Variants in SPTB observed in about 807,000 individuals in gnomAD.
The protein encoded by SPTB is spectrin beta chain, erythrocytic.
A neutral mutation model predicts 256.2 loss-of-function variants in SPTB; 45 were observed. That is an observed-to-expected ratio of 0.18 (90% CI 0.14 to 0.23). The LOEUF (loss-of-function observed/expected upper bound fraction) is 0.23, where lower values mean the gene tolerates loss of function less well. Among genes scored for constraint, SPTB ranks in the 10% least tolerant of loss-of-function variants. SPTB has a pLI of 1.00. For missense variants in SPTB, 2,715 were observed against 3,040.4 expected (o/e 0.89, Z 2.52); for synonymous variants, 1,231 against 1,243.1 (o/e 0.99, Z 0.21).
chr14:64,781,614 G>A (rs948943879), intron 20 of SPTB, among the ~76,000 whole-genome samples: 3 of 152,240 alleles, frequency 2.0e-5, no homozygotes, highest in Non-Finnish European at 4.4e-5. Flanking sequence ...TACACCGTTG[G>A]TGGGAGTGTA....
chr14:64,846,343 A>G (rs1414000519), intron 1 of SPTB, among the ~76,000 whole-genome samples: 1 of 152,254 alleles, frequency 6.6e-6, no homozygotes, highest in Non-Finnish European at 1.5e-5. Context: ...GTTATATATT[A>G]TATAGGCTGC....
intron 2 of SPTB, among the ~76,000 whole-genome samples, chr14:64,818,358 GGGATGCC>G (rs2083228947): frequency 6.6e-6 from 1 of 152,342 alleles, no homozygotes; most frequent in African/African-American, 2.4e-5. Context: ...GGCGGCACAT[GGGATGCC>G]GGATGCCAAG....
Position 64,787,168 on chromosome 14 carries a change from A to G in SPTB, c.2805-8T>C, listed in dbSNP as rs370815239. 103 of 1,602,828 alleles carry G rather than the reference A, an allele frequency of 6.4e-5. No individual in the cohort carries two copies. Among genetic ancestry groups the G allele is most frequent in the Non-Finnish European group, 8.5e-5 (100 of 1,179,962 alleles). On this transcript the variant is annotated splice_region_variant and splice_polypyrimidine_tract_variant and intron_variant, in intron 15 of 35. Coordinates refer to ENST00000644917, the MANE Select transcript of SPTB (RefSeq NM_001355436.2). ...GTCTGAAATGCCTGCCACCTGCCGG[A>G]TGGGGACACAGCCCGGAGGAGAGAG...
At chr14:64,872,801 T>C (rs1052186405) in intron 1 of SPTB, among the ~76,000 whole-genome samples, 2 of 152,318 alleles carry the variant, frequency 1.3e-5, no homozygotes, top group East Asian at 1.9e-4. Flanking sequence ...GTTCTCGTGA[T>C]AGTGAAGAAG....
In SPTB at chr14:64,807,472, G is replaced by A; in HGVS notation, c.149-2382C>T. ...GCCCCCTGGACCCTCAAACGTGGGA[G>A]CCACAGGTTTTGAGCACAGGCAGGT... On this transcript the variant is annotated intron_variant, in intron 2 of 35. Coordinates refer to ENST00000644917, the MANE Select transcript of SPTB (RefSeq NM_001355436.2). The surrounding 1 kb of genome is among the most constrained non-coding windows in gnomAD (Gnocchi z 4.7). 6.6e-6 allele frequency among the ~76,000 whole-genome samples: 1 copy of A among 152,196 alleles called. No individual in the cohort carries two copies. The highest frequency in any genetic ancestry group is 1.9e-4 in the East Asian group (1 of 5,196).
In SPTB at chr14:64,786,581, G is replaced by T. The variant is rs767091844; in HGVS notation, c.3384C>A (p.Ile1128=). The T allele has an allele frequency of 4.3e-6, 7 of 1,614,046 alleles. No homozygotes were observed. The highest frequency in any genetic ancestry group is 1.7e-5 in the Admixed American group (1 of 60,004). Reference sequence around the variant, plus strand: ...GATACTCTGGGTCCGTCTGGCCTTGGATCACTTTCTCCCCAGACTCCTTAA... The same window carrying T: ...GATACTCTGGGTCCGTCTGGCCTTGTATCACTTTCTCCCCAGACTCCTTAA... The part of the protein sequence containing the change: ...QRVKESGEKV[I]QGQTDPEYLL... The change falls in exon 16 of 36, where the codon ATC becomes ATA. Residue 1128 remains isoleucine (I), a synonymous_variant. Coordinates refer to ENST00000644917, the MANE Select transcript of SPTB (RefSeq NM_001355436.2). The surrounding 1 kb of genome is among the most constrained non-coding windows in gnomAD (Gnocchi z 5.6).
chr14:64,832,331 A>G (rs72625636), intron 1 of SPTB, among the ~76,000 whole-genome samples: 12,934 of 152,126 alleles, frequency 0.085, 594 homozygotes, highest in Middle Eastern at 0.12. Context: ...CCATTCCAAA[A>G]TTTTCTGAAA....
At chr14:64,865,092 A>G (rs1882084546) in intron 1 of SPTB, among the ~76,000 whole-genome samples, 1 of 152,076 alleles carries the variant, frequency 6.6e-6, no homozygotes, top group African/African-American at 2.4e-5. Flanking sequence ...TTTAAGCATC[A>G]GGTCTTAGAG....
rs1402483762 is a variant in SPTB at position 64,803,465 on chromosome 14, C to T, written c.474+142G>A. On this transcript the variant is annotated intron_variant, in intron 4 of 35. Transcript: ENST00000644917. ...TACAGAAGATGGTTACTCCTTCCTA[C>T]AAGCACTGTCCCATGTGGCAGATTT... 7.7e-6 allele frequency: 8 copies of T among 1,043,166 alleles called. No individual in the cohort carries two copies. The Admixed American group carries it at 9.3e-5, about 12-fold the overall frequency. 64.6% of individuals were successfully genotyped at this position (1,043,166 alleles called of 1,614,324 possible). A position where few individuals can be genotyped will look rare whatever the true frequency, so the allele number is the denominator to read the frequency against.
At chr14:64,794,359 A>G in intron 13 of SPTB, 108 bp downstream of exon 13, 1 of 1,439,592 alleles carries the variant, frequency 6.9e-7, no homozygotes, top group Non-Finnish European at 9.7e-7. Context: ...GATGAAAGTA[A>G]CAGAACTTTA....
At chr14:64,800,270 T>G (rs2082857981) in intron 8 of SPTB, among the ~76,000 whole-genome samples, 2 of 152,236 alleles carry the variant, frequency 1.3e-5, no homozygotes, top group Non-Finnish European at 2.9e-5. Context: ...TTTTAAATGT[T>G]CATGAGGAGT....
intron 1 of SPTB, among the ~76,000 whole-genome samples, chr14:64,843,066 A>G (rs2083632910): frequency 6.6e-6 from 1 of 151,826 alleles, no homozygotes; most frequent in South Asian, 2.1e-4. Flanking sequence ...CCCTGTCTCA[A>G]AAAAAAAGGG....
Position 64,764,066 on chromosome 14 carries a change from T to C in SPTB, c.6345+2660A>G, listed in dbSNP as rs139458113. ...AGCAACACCGCATGGATCTATTCTGTAGGGCACCGACACCAGACCACACAC... is the reference window on the plus strand; with the variant it reads ...AGCAACACCGCATGGATCTATTCTGCAGGGCACCGACACCAGACCACACAC... On this transcript the variant is annotated intron_variant, in intron 32 of 35. Coordinates refer to ENST00000644917, the MANE Select transcript of SPTB (RefSeq NM_001355436.2). This position sits in a 1 kb window ranked among gnomAD's most constrained non-coding sequence, Gnocchi z 4.2. 6.6e-6 allele frequency among the ~76,000 whole-genome samples: 1 copy of C among 152,294 alleles called. No individual in the cohort carries two copies. Among genetic ancestry groups the C allele is most frequent in the East Asian group, 1.9e-4 (1 of 5,186 alleles).
At position 64,774,475 on chromosome 14, in the gene SPTB, G is replaced by T. The variant is rs781286844; in HGVS notation, c.4895C>A (p.Ala1632Glu). 2.6e-6 allele frequency: 4 copies of T among 1,556,746 alleles called. No individual in the cohort carries two copies. The highest frequency in any genetic ancestry group is 2.4e-5 in the East Asian group (1 of 41,430). Residue 1632 changes from alanine (A) to glutamate (E), a missense_variant, in exon 24 of 36, where the codon GCG becomes GAG. Physicochemically the swap from Ala to Glu is moderately radical, Grantham distance 107. This residue lies in a region of SPTB where 2,239 missense variants were observed against 2,384.4 expected (regional missense o/e 0.94). Coordinates refer to ENST00000644917, the MANE Select transcript of SPTB (RefSeq NM_001355436.2). The stretch of plus-strand genomic sequence containing the variant: ...GATGTTCCGGCCGTAGTCCTCCACC[G>T]CACGCTGCTGCCGCAAATGTCGCTT... ...MLKRHLRQQR[A>E]VEDYGRNIKQ... is the part of the protein sequence containing the mutation.
chr14:64,801,494 G>A (rs2082885161), intron 6 of SPTB, 94 bp from the exon 7 acceptor site: 1 of 986,218 alleles, frequency 1.0e-6, no homozygotes, highest in Admixed American at 1.8e-5. Flanking sequence ...ACAGAGGCAG[G>A]GAGGTGGTCA....
Position 64,841,823 on chromosome 14 carries a change from T to C in SPTB, c.-51-18678A>G, listed in dbSNP as rs2083612368. Among the ~76,000 whole-genome samples the C allele has an allele frequency of 6.6e-6, 1 of 152,116 alleles. No individual in the cohort carries two copies. Among genetic ancestry groups the C allele is most frequent in the Non-Finnish European group, 1.5e-5 (1 of 68,040 alleles). ...TTGCAAAAGAAGGGAAACCCCCGCG[T>C]ATGGAACCAGAAGAGGGTTTCTTGC... On this transcript the variant is annotated intron_variant, in intron 1 of 35. Coordinates refer to ENST00000644917, the MANE Select transcript of SPTB (RefSeq NM_001355436.2). The surrounding 1 kb of genome is among the most constrained non-coding windows in gnomAD (Gnocchi z 4.6).
At position 64,824,935 on chromosome 14, in the gene SPTB, A is replaced by G. The variant is rs149857801; in HGVS notation, c.-51-1790T>C. ...TACCCACCCTAATTGCCTTGGGAGA[A>G]AAACCAAGGCCTGCTGCAGGAGGAG... On this transcript the variant is annotated intron_variant, in intron 1 of 35. Transcript: ENST00000644917. The surrounding 1 kb of genome is among the most constrained non-coding windows in gnomAD (Gnocchi z 5.7). 6.6e-6 allele frequency among the ~76,000 whole-genome samples: 1 copy of G among 152,272 alleles called. No individual in the cohort carries two copies. The highest frequency in any genetic ancestry group is 2.4e-5 in the African/African-American group (1 of 41,564).
chr14:64,822,351 T>TC (rs2083302554), intron 2 of SPTB, among the ~76,000 whole-genome samples: 1 of 8,188 alleles, frequency 1.2e-4, no homozygotes, highest in East Asian at 4.6e-3. Flanking sequence ...CACCCCCACC[T>TC]TCTCTCTCTC....
intron 1 of SPTB, among the ~76,000 whole-genome samples, chr14:64,848,214 C>A (rs189963811): frequency 6.6e-6 from 1 of 152,326 alleles, no homozygotes; most frequent in East Asian, 1.9e-4. Flanking sequence ...TAGAGGCATA[C>A]ACTTAGGGAG....
Sources: allele counts gnomAD v4.1 joint callset (sites outside exome capture counted in the v4.1 genomes callset), GRCh38; gene constraint gnomAD v4.1.1; regional missense constraint gnomAD v4.1.1; non-coding constraint Gnocchi (gnomAD v3.1); transcripts MANE v1.5; gene names NCBI Gene and HGNC (gene_info 2026-07-23, HGNC 2026-07-21).